SLC30A7: variants seen among roughly 807,000 people sequenced by gnomAD.
The protein encoded by SLC30A7 is solute carrier family 30 member 7.
A neutral mutation model predicts 46.0 loss-of-function variants in SLC30A7; 35 were observed. The observed-to-expected ratio is 0.76, with a 90% confidence interval of 0.58 to 1.01. SLC30A7 has a LOEUF of 1.01. SLC30A7 is among the 50% of genes least tolerant of loss of function. The probability of loss-of-function intolerance (pLI) is 0.00; values close to 1 mark genes in which losing one functional copy is unlikely to be tolerated. For missense variants in SLC30A7, 464 were observed against 451.1 expected, an observed-to-expected ratio of 1.03 and a Z score of -0.26; for synonymous variants, 147 against 157.8, an observed-to-expected ratio of 0.93 and a Z score of 0.51.
chr1:100,912,236 C>G lies in SLC30A7; in HGVS notation c.509C>G (p.Ser170Cys), dbSNP rs919978193. The G allele has an allele frequency of 6.2e-7, 1 of 1,613,544 alleles. No individual in the cohort carries two copies. Among genetic ancestry groups the G allele is most frequent in the Non-Finnish European group, 8.5e-7 (1 of 1,179,768 alleles). The change falls in exon 5 of 11, where the codon TCT becomes TGT. Residue 170 changes from serine (S) to cysteine (C), a missense_variant and splice_region_variant. Physicochemically the swap from Ser to Cys is moderately radical, Grantham distance 112. Coordinates refer to ENST00000357650, the MANE Select transcript of SLC30A7 (RefSeq NM_133496.5). ...KHGGHGHSHG[S>C]GHGHSHSLFN... ...GGAGGTCATGGACATTCTCATGGCT[C>G]TGGTATGATGGTTAGGACACTTTGT...
downstream of SLC30A7, among the ~76,000 whole-genome samples, chr1:100,982,360 A>T (rs1656990628): frequency 6.6e-6 from 1 of 152,198 alleles, no homozygotes; most frequent in South Asian, 2.1e-4. Flanking sequence ...CTAGTAGTAT[A>T]GCTTCACTCC....
At chr1:100,918,275 T>C in intron 7 of SLC30A7, 148 bp downstream of exon 7, 1 of 575,968 alleles carries the variant, frequency 1.7e-6, no homozygotes, top group Non-Finnish European at 3.0e-6. Context: ...GTTTTTTATA[T>C]ACTATTAGAT....
At chr1:100,946,191 A>G (rs1223192327) in intron 8 of SLC30A7, among the ~76,000 whole-genome samples, 1 of 151,052 alleles carries the variant, frequency 6.6e-6, no homozygotes, top group Non-Finnish European at 1.5e-5. Context: ...TTGGGCTGAG[A>G]TGATGGGAGT....
chr1:100,956,585 C>T (rs143064924), intron 8 of SLC30A7, among the ~76,000 whole-genome samples: 1 of 152,268 alleles, frequency 6.6e-6, no homozygotes, highest in East Asian at 1.9e-4. Flanking sequence ...ATGGGATTCA[C>T]CATCTGTTAC....
chr1:100,974,145 A>T (rs1431919908), intron 10 of SLC30A7, among the ~76,000 whole-genome samples: 2 of 152,160 alleles, frequency 1.3e-5, no homozygotes, highest in African/African-American at 4.8e-5. Flanking sequence ...TTTTGTTACT[A>T]GGATATATTG....
Position 100,978,290 on chromosome 1 carries a change from G to A in SLC30A7, c.*3433G>A, listed in dbSNP as rs968349599. 6.6e-6 allele frequency: 1 copy of A among 152,030 alleles called. No homozygotes were observed. The highest frequency in any genetic ancestry group is 2.4e-5 in the African/African-American group (1 of 41,396). 9.4% of individuals were successfully genotyped at this position (152,030 alleles called of 1,614,324 possible). A position where few individuals can be genotyped will look rare whatever the true frequency, so the allele number is the denominator to read the frequency against. ...AATGCTATGCCTTTTTTGCACCTTT[G>A]TACAGCAGCCAAATCATGAACTCAA... On this transcript the variant is annotated 3_prime_UTR_variant, in exon 11 of 11. Transcript: ENST00000357650.
chr1:100,965,034 A>G (rs1341222589), intron 9 of SLC30A7, among the ~76,000 whole-genome samples: 5 of 152,192 alleles, frequency 3.3e-5, no homozygotes, highest in African/African-American at 9.6e-5. Context: ...CATTTTCTTA[A>G]CTTCCCAGGT....
the SLC30A7 span, among the ~76,000 whole-genome samples, chr1:100,994,580 G>A: frequency 6.6e-6 from 1 of 151,222 alleles, no homozygotes; most frequent in Non-Finnish European, 1.5e-5. Context: ...AGGCTGGAGT[G>A]CAGTGGCGTG....
At chr1:100,927,441 G>A (rs1653377002) in intron 8 of SLC30A7, among the ~76,000 whole-genome samples, 1 of 152,150 alleles carries the variant, frequency 6.6e-6, no homozygotes, top group Non-Finnish European at 1.5e-5. Flanking sequence ...TGATGAGAAT[G>A]AAAGCCTGAT....
At chr1:100,906,676 G>T (rs1365459462) in intron 2 of SLC30A7, among the ~76,000 whole-genome samples, 176 bp from the exon 3 acceptor site, 1 of 152,106 alleles carries the variant, frequency 6.6e-6, no homozygotes, top group African/African-American at 2.4e-5. Context: ...GGAGGTACGA[G>T]GGTTTACTTT....
intron 8 of SLC30A7, among the ~76,000 whole-genome samples, chr1:100,937,805 CAT>C (rs1409203998): frequency 2.6e-5 from 4 of 152,084 alleles, no homozygotes; most frequent in African/African-American, 9.7e-5. Flanking sequence ...CTTTTGGTGT[CAT>C]ATCTGAGAAA....
chr1:100,966,762 A>G (rs1438363425), intron 10 of SLC30A7, among the ~76,000 whole-genome samples: 1 of 152,226 alleles, frequency 6.6e-6, no homozygotes, highest in African/African-American at 2.4e-5. Context: ...CACATTTCTT[A>G]TAAGATATGT....
At chr1:100,987,473 A>G in the SLC30A7 span, among the ~76,000 whole-genome samples, 1 of 152,062 alleles carries the variant, frequency 6.6e-6, no homozygotes, top group Admixed American at 6.5e-5. Context: ...TGTCATCTCT[A>G]TGCTACGGTT....
chr1:100,994,816 C>T, the SLC30A7 span, among the ~76,000 whole-genome samples: 1 of 152,166 alleles, frequency 6.6e-6, no homozygotes, highest in African/African-American at 2.4e-5. Context: ...CATGAACAAC[C>T]GCACCCGGCC....
chr1:100,984,381 T>C (rs1657151050), downstream of SLC30A7, among the ~76,000 whole-genome samples: 1 of 152,014 alleles, frequency 6.6e-6, no homozygotes, highest in Non-Finnish European at 1.5e-5. Context: ...AGTGGAGAGA[T>C]TATGGAGTGG....
chr1:100,921,842 G>A lies in SLC30A7; in HGVS notation c.842+1G>A. ...TTATAGCCATTCTTATAGTTGTAAGGTAAGTGTTATTGTTACTTTCAAGTA... is the reference window on the plus strand; with the variant it reads ...TTATAGCCATTCTTATAGTTGTAAGATAAGTGTTATTGTTACTTTCAAGTA... On this transcript the variant is annotated splice_donor_variant, in intron 8 of 10. Transcript: ENST00000357650. LOFTEE classifies it high-confidence loss of function. The A allele has an allele frequency of 1.9e-6, 3 of 1,609,570 alleles. No individual in the cohort carries two copies. The highest frequency in any genetic ancestry group is 2.5e-6 in the Non-Finnish European group (3 of 1,178,124).
chr1:100,897,863 A>G (rs1312924117), intron 2 of SLC30A7, among the ~76,000 whole-genome samples: 1 of 152,218 alleles, frequency 6.6e-6, no homozygotes, highest in African/African-American at 2.4e-5. Context: ...TTTGGGAATC[A>G]GATGTGTTAA....
At chr1:100,940,944 C>T (rs1654307944) in intron 8 of SLC30A7, 6 of 384,900 alleles carry the variant, frequency 1.6e-5, no homozygotes, top group Non-Finnish European at 3.1e-5. Flanking sequence ...TTCACAAATC[C>T]GTTGTAACCT....
rs1284390733 is a variant in SLC30A7 at position 100,981,236 on chromosome 1, G to GT, written c.*6382dup. Reference sequence around the variant, plus strand: ...TTTTGAACTAGACATCCTGTCAATAGTTTGTCAAGTAACTTCATTGCTTCC... The same window carrying GT: ...TTTTGAACTAGACATCCTGTCAATAGTTTTGTCAAGTAACTTCATTGCTTCC... On this transcript the variant is annotated 3_prime_UTR_variant, in exon 11 of 11. Transcript: ENST00000357650. The GT allele has an allele frequency of 2.0e-5, 3 of 152,090 alleles. No homozygotes were observed. The highest frequency in any genetic ancestry group is 4.4e-5 in the Non-Finnish European group (3 of 67,990). The allele number at this position is 152,090 out of a possible 1,614,324, so 9.4% of individuals were successfully genotyped here. A position where few individuals can be genotyped will look rare whatever the true frequency, so the allele number is the denominator to read the frequency against.
Sources: allele counts gnomAD v4.1 joint callset (sites outside exome capture counted in the v4.1 genomes callset), GRCh38; gene constraint gnomAD v4.1.1; transcripts MANE v1.5; gene names NCBI Gene and HGNC (gene_info 2026-07-23, HGNC 2026-07-21).